Variants in ADARB2 observed in about 807,000 individuals in gnomAD.
ADARB2 encodes inactive double-stranded RNA-specific editase B2.
Under a neutral mutation model 62.2 loss-of-function variants are expected in ADARB2, and 25 were observed. The observed-to-expected ratio is 0.40, with a 90% confidence interval of 0.29 to 0.56. ADARB2 has a LOEUF of 0.56. Ranked by LOEUF, ADARB2 falls within the 20% of genes least tolerant of loss-of-function variation. The pLI, the probability that ADARB2 is intolerant of heterozygous loss-of-function variation, is 0.43. For missense variants in ADARB2, 1,071 were observed against 1,077.4 expected (o/e 0.99, Z 0.08); for synonymous variants, 572 against 500.8 (o/e 1.14, Z -1.90).
At chr10:1,183,495 C>G (rs1188763821) in intron 9 of ADARB2, 126 bp from the exon 10 acceptor site, 2 of 1,186,002 alleles carry the variant, frequency 1.7e-6, no homozygotes, top group Non-Finnish European at 2.3e-6. Context: ...CCCACTATTA[C>G]AGAGAGCAAC....
intron 4 of ADARB2, 49 bp from the exon 5 acceptor site, chr10:1,242,348 CCCT>C (rs1247677776): frequency 3.3e-6 from 5 of 1,498,262 alleles, no homozygotes; most frequent in Non-Finnish European, 4.5e-6. Flanking sequence ...GCCCCCGTCT[CCCT>C]CCTCCTCGGT....
intron 1 of ADARB2, among the ~76,000 whole-genome samples, chr10:1,488,639 C>G (rs61831888): frequency 0.044 from 6,660 of 152,196 alleles, 182 homozygotes; most frequent in Middle Eastern, 0.058. Flanking sequence ...ACTGGGGAGA[C>G]GTGAAAGGGA....
At chr10:1,351,938 T>C (rs143038396) in intron 3 of ADARB2, among the ~76,000 whole-genome samples, 5,141 of 145,460 alleles carry the variant, frequency 0.035, 808 homozygotes, top group African/African-American at 0.13. Flanking sequence ...CTCTCCTATC[T>C]TCAACACCTC....
At chr10:1,413,293 A>G (rs1832774323) in intron 1 of ADARB2, among the ~76,000 whole-genome samples, 1 of 152,136 alleles carries the variant, frequency 6.6e-6, no homozygotes, top group African/African-American at 2.4e-5. Flanking sequence ...CCCAGCCCCA[A>G]TCCCGACACT....
intron 1 of ADARB2, among the ~76,000 whole-genome samples, chr10:1,479,331 C>T (rs1190377652): frequency 6.6e-6 from 1 of 152,170 alleles, no homozygotes; most frequent in African/African-American, 2.4e-5. Flanking sequence ...GGGGCCCAGG[C>T]AGTAGCAGAT....
At chr10:1,712,827 T>C (rs982815646) in intron 1 of ADARB2, among the ~76,000 whole-genome samples, 3 of 151,986 alleles carry the variant, frequency 2.0e-5, no homozygotes, top group Non-Finnish European at 4.4e-5. Context: ...GTCAGGATGG[T>C]CTTAATCTCC....
chr10:1,340,085 G>GCGCCCCACAGCGGCAA (rs1832009017), intron 3 of ADARB2, among the ~76,000 whole-genome samples: 1 of 150,118 alleles, frequency 6.7e-6, no homozygotes, highest in Non-Finnish European at 1.5e-5. Context: ...AGAGAACCAC[G>GCGCCCCACAGCGGCAA]TGCCCCACAG....
chr10:1,262,417 A>G (rs1831150403), intron 4 of ADARB2, among the ~76,000 whole-genome samples: 1 of 151,982 alleles, frequency 6.6e-6, no homozygotes, highest in Non-Finnish European at 1.5e-5. Context: ...CAGAATCTAC[A>G]ATGAACTCAA....
chr10:1,256,200 G>C (rs1039833089), intron 4 of ADARB2, among the ~76,000 whole-genome samples: 4 of 152,192 alleles, frequency 2.6e-5, no homozygotes, highest in Non-Finnish European at 4.4e-5. Flanking sequence ...GCTCCAAGCT[G>C]TCCTCCCTCA....
At chr10:1,298,781 C>T (rs1831547314) in intron 3 of ADARB2, among the ~76,000 whole-genome samples, 2 of 126,566 alleles carry the variant, frequency 1.6e-5, no homozygotes, top group Non-Finnish European at 3.1e-5. Flanking sequence ...TTAGATTTGC[C>T]CAGGCTGGAG....
intron 9 of ADARB2, among the ~76,000 whole-genome samples, 169 bp downstream of exon 9, chr10:1,184,692 A>T (rs2131733375): frequency 6.6e-6 from 1 of 152,310 alleles, no homozygotes; most frequent in Middle Eastern, 3.4e-3. Flanking sequence ...TCAAGCCTAC[A>T]GGGGAAACGC....
chr10:1,345,644 C>T (rs1435195030), intron 3 of ADARB2, among the ~76,000 whole-genome samples: 2 of 152,154 alleles, frequency 1.3e-5, no homozygotes, highest in African/African-American at 4.8e-5. Context: ...TGTTTCCCCC[C>T]GTGACTCTGA....
chr10:1,546,470 C>T (rs1303485318), intron 1 of ADARB2, among the ~76,000 whole-genome samples: 3 of 152,242 alleles, frequency 2.0e-5, no homozygotes, highest in South Asian at 2.1e-4. Context: ...GTCTGTCCTG[C>T]TCCTGACTTT....
At chr10:1,608,799 AAGCAAGG>A (rs1833529842) in intron 1 of ADARB2, among the ~76,000 whole-genome samples, 4 of 148,528 alleles carry the variant, frequency 2.7e-5, no homozygotes, top group Admixed American at 1.3e-4. Flanking sequence ...AAAGAAAGAA[AAGCAAGG>A]GAGGGAGGAG....
At chr10:1,696,887 A>G (rs761826010) in intron 1 of ADARB2, among the ~76,000 whole-genome samples, 8 of 152,140 alleles carry the variant, frequency 5.3e-5, no homozygotes, top group Non-Finnish European at 1.0e-4. Flanking sequence ...CCTGCAGCCT[A>G]TGGGCCACAT....
chr10:1,609,152 C>T (rs377536086), intron 1 of ADARB2, among the ~76,000 whole-genome samples: 6 of 152,254 alleles, frequency 3.9e-5, no homozygotes, highest in Non-Finnish European at 5.9e-5. Context: ...CTCCCAGAGA[C>T]GCTTTTCGGA....
chr10:1,450,493 A>T (rs1202391207), intron 1 of ADARB2, among the ~76,000 whole-genome samples: 1 of 152,168 alleles, frequency 6.6e-6, no homozygotes, highest in Non-Finnish European at 1.5e-5. Context: ...TGCCTCCTGC[A>T]CCTGCAAATG....
At position 1,737,031 on chromosome 10, in the gene ADARB2, G is replaced by T; in HGVS notation, c.100+20C>A. The stretch of plus-strand genomic sequence containing the variant: ...CGGGGGTGAAGGGGGGCAGGGGCCG[G>T]CGCGCCACGCGGTCCTTACCTTTCC... On this transcript the variant is annotated intron_variant, in intron 1 of 9. Coordinates refer to ENST00000381312, the MANE Select transcript of ADARB2 (RefSeq NM_018702.4). The T allele has an allele frequency of 1.2e-6, 2 of 1,607,964 alleles. No homozygotes were observed. Among genetic ancestry groups the T allele is most frequent in the Non-Finnish European group, 8.5e-7 (1 of 1,179,638 alleles).
At chr10:1,243,522 T>C (rs1042819992) in intron 4 of ADARB2, among the ~76,000 whole-genome samples, 4 of 152,246 alleles carry the variant, frequency 2.6e-5, no homozygotes, top group Non-Finnish European at 5.9e-5. Context: ...CTGATGTGAC[T>C]TTTTCTCCCC....
Sources: gnomAD v4.1 joint callset for allele counts (sites outside exome capture counted in the v4.1 genomes callset) on GRCh38, gnomAD v4.1.1 for gene constraint, MANE v1.5 for transcripts, NCBI Gene and HGNC (gene_info 2026-07-23, HGNC 2026-07-21) for gene names.